The following LYN variants were observed in gnomAD, a reference collection of about 807,000 sequenced individuals.
LYN encodes the protein tyrosine-protein kinase Lyn.
In LYN, 12 loss-of-function variants were observed where a neutral mutation model predicts 65.0. The ratio of observed to expected loss-of-function variants is 0.18; its 90% confidence interval spans 0.12 to 0.30. The LOEUF (loss-of-function observed/expected upper bound fraction) is 0.30. LYN is among the 10% of genes least tolerant of loss of function. The probability of loss-of-function intolerance (pLI) is 1.00; values close to 1 mark genes in which losing one functional copy is unlikely to be tolerated. For synonymous variants in LYN, 222 were observed against 221.2 expected, an observed-to-expected ratio of 1.00 and a Z score of -0.03; for missense variants, 380 against 623.2, an observed-to-expected ratio of 0.61 and a Z score of 4.16.
intron 12 of LYN, among the ~76,000 whole-genome samples, chr8:56,002,569 T>C (rs1808546567): frequency 6.6e-6 from 1 of 151,260 alleles, no homozygotes. Flanking sequence ...ACCACTGCAG[T>C]CTAGCCTGAG....
chr8:55,902,996 G>C, intron 1 of LYN: 1 of 295,084 alleles, frequency 3.4e-6, no homozygotes, highest in Non-Finnish European at 6.7e-6. Flanking sequence ...CTACAGGTGT[G>C]TGCCACCACA....
chr8:56,004,281 A>G (rs1240116806), intron 12 of LYN, among the ~76,000 whole-genome samples: 1 of 147,462 alleles, frequency 6.8e-6, no homozygotes, highest in East Asian at 2.0e-4. Flanking sequence ...AAAAAGTAGT[A>G]CAGAAAGACT....
At chr8:55,939,599 T>A (rs961197409) in intron 1 of LYN, among the ~76,000 whole-genome samples, 1 of 152,134 alleles carries the variant, frequency 6.6e-6, no homozygotes, top group African/African-American at 2.4e-5. Context: ...CGGTCCGTGC[T>A]GGGAGGGAGC....
chr8:55,938,168 A>C (rs1426661767), intron 1 of LYN, among the ~76,000 whole-genome samples: 1 of 152,206 alleles, frequency 6.6e-6, no homozygotes, highest in Non-Finnish European at 1.5e-5. Flanking sequence ...AGAAATCTCC[A>C]GCCTCACATT....
intron 1 of LYN, among the ~76,000 whole-genome samples, chr8:55,896,661 AT>A (rs751816885): frequency 1.4e-4 from 22 of 152,224 alleles, no homozygotes; most frequent in South Asian, 1.0e-3. Flanking sequence ...TAATAAAAAA[AT>A]TTTAAAAAAA....
chr8:55,976,769 G>T (rs1327147859), intron 10 of LYN, among the ~76,000 whole-genome samples: 2 of 152,162 alleles, frequency 1.3e-5, no homozygotes, highest in Non-Finnish European at 2.9e-5. Context: ...GGGTGTGGCT[G>T]CAGGGATGGG....
chr8:55,929,735 C>T (rs1806206212), intron 1 of LYN, among the ~76,000 whole-genome samples: 1 of 152,170 alleles, frequency 6.6e-6, no homozygotes, highest in Non-Finnish European at 1.5e-5. Flanking sequence ...TCCTACAATA[C>T]ACAGAACTGT....
chr8:55,910,899 G>GTTT (rs767304702), intron 1 of LYN, among the ~76,000 whole-genome samples: 1 of 123,426 alleles, frequency 8.1e-6, no homozygotes, highest in African/African-American at 3.0e-5. Flanking sequence ...TACTAATTTT[G>GTTT]TTTTTTTTTT....
At chr8:56,003,484 G>A (rs986144439) in intron 12 of LYN, among the ~76,000 whole-genome samples, 1 of 152,084 alleles carries the variant, frequency 6.6e-6, no homozygotes, top group Non-Finnish European at 1.5e-5. Flanking sequence ...GGACAACATG[G>A]CCAAACCCTG....
intron 1 of LYN, among the ~76,000 whole-genome samples, chr8:55,933,875 A>G (rs552745755): frequency 7.1e-6 from 1 of 140,632 alleles, no homozygotes; most frequent in South Asian, 2.1e-4. Flanking sequence ...CACATTGTGG[A>G]TAACTAGATG....
At chr8:55,983,031 C>T (rs1807972671) in intron 10 of LYN, among the ~76,000 whole-genome samples, 2 of 152,112 alleles carry the variant, frequency 1.3e-5, no homozygotes, top group Non-Finnish European at 2.9e-5. Flanking sequence ...AAAATGCCAG[C>T]CCTATGGAAG....
intron 1 of LYN, among the ~76,000 whole-genome samples, chr8:55,941,548 T>C (rs991100570): frequency 6.6e-6 from 1 of 152,186 alleles, no homozygotes; most frequent in African/African-American, 2.4e-5. Flanking sequence ...CTGAGTTACA[T>C]GTCCTTTCTT....
In LYN at chr8:55,939,084, A is replaced by G. The variant is rs547049080; in HGVS notation, c.-5-2771A>G. ...ACCACTCTCAGTTTTTGTCAGGAGT[A>G]TATTGTATTTTCTACATTTCTGGTA... is the stretch of plus-strand genomic sequence containing the variant. On this transcript the variant is annotated intron_variant, in intron 1 of 12. Coordinates refer to ENST00000519728, the MANE Select transcript of LYN (RefSeq NM_002350.4). Among the ~76,000 whole-genome samples, 10 of 152,336 alleles carry G rather than the reference A, an allele frequency of 6.6e-5. No homozygotes were observed. In the East Asian group the frequency reaches 1.9e-3, roughly 29 times the overall value.
chr8:55,986,318 C>T (rs1478273106), intron 10 of LYN, among the ~76,000 whole-genome samples: 1 of 152,172 alleles, frequency 6.6e-6, no homozygotes, highest in Non-Finnish European at 1.5e-5. Flanking sequence ...TTTCCAGTTT[C>T]TCCACATCCT....
chr8:55,989,343 A>G (rs1808175762), intron 10 of LYN, among the ~76,000 whole-genome samples: 1 of 152,148 alleles, frequency 6.6e-6, no homozygotes, highest in Non-Finnish European at 1.5e-5. Context: ...TCTCTATCAA[A>G]CCCGCATAAA....
intron 8 of LYN, among the ~76,000 whole-genome samples, chr8:55,964,022 A>T (rs1258112352): frequency 6.6e-6 from 1 of 152,150 alleles, no homozygotes; most frequent in Non-Finnish European, 1.5e-5. Flanking sequence ...CTTTACAATA[A>T]CTCTTAAGAT....
intron 1 of LYN, among the ~76,000 whole-genome samples, chr8:55,923,819 G>A (rs536143541): frequency 3.3e-5 from 5 of 151,980 alleles, no homozygotes; most frequent in South Asian, 4.2e-4. Context: ...GATTAGAGGC[G>A]TGAGCCACCG....
intron 1 of LYN, among the ~76,000 whole-genome samples, chr8:55,925,205 C>T (rs1806072556): frequency 6.6e-6 from 1 of 152,174 alleles, no homozygotes; most frequent in South Asian, 2.1e-4. Context: ...TCACTGCCCC[C>T]TCAAACTCCT....
At chr8:55,890,645 C>A (rs544408324) in intron 1 of LYN, among the ~76,000 whole-genome samples, 187 of 151,922 alleles carry the variant, frequency 1.2e-3, no homozygotes, top group Non-Finnish European at 2.1e-3. Context: ...TTCATAGTAG[C>A]ATTATTCACA....
Sources: allele counts gnomAD v4.1 joint callset (sites outside exome capture counted in the v4.1 genomes callset), GRCh38; gene constraint gnomAD v4.1.1; transcripts MANE v1.5; gene names NCBI Gene and HGNC (gene_info 2026-07-23, HGNC 2026-07-21).